Variants in DLG2 observed in about 807,000 individuals in gnomAD.
The protein encoded by DLG2 is disks large homolog 2.
A neutral mutation model predicts 132.5 loss-of-function variants in DLG2; 45 were observed. That is an observed-to-expected ratio of 0.34 (90% CI 0.27 to 0.44). The LOEUF is 0.44. Ranked by LOEUF, DLG2 falls within the 20% of genes least tolerant of loss-of-function variation. The probability of loss-of-function intolerance (pLI) is 1.00; values close to 1 mark genes in which losing one functional copy is unlikely to be tolerated. For synonymous variants in DLG2, 424 were observed against 419.6 expected (o/e 1.01, Z -0.13); for missense variants, 1,045 against 1,196.9 (o/e 0.87, Z 1.87).
Position 83,517,874 on chromosome 11 carries a change from C to T in DLG2, c.2193+14834G>A, listed in dbSNP as rs2140288648. ...AGCAAATGTTGCTGCCTGATCGTTC[C>T]TCTGGCAGTGTTGTCTCAGAGGAGT... On this transcript the variant is annotated intron_variant, in intron 21 of 27. Coordinates refer to ENST00000376104, the MANE Select transcript of DLG2 (RefSeq NM_001142699.3). 1.3e-5 allele frequency among the ~76,000 whole-genome samples: 2 copies of T among 152,302 alleles called. 1 individual carries two copies. Among genetic ancestry groups the T allele is most frequent in the South Asian group, 4.2e-4 (2 of 4,812 alleles).
intron 14 of DLG2, among the ~76,000 whole-genome samples, chr11:83,959,739 T>C (rs1204573411): frequency 6.6e-6 from 1 of 152,040 alleles, no homozygotes; most frequent in African/African-American, 2.4e-5. Context: ...GATGCAGGGA[T>C]GGGGCCTTTG....
At chr11:83,482,381 A>C (rs2093191228) in intron 22 of DLG2, among the ~76,000 whole-genome samples, 2 of 152,160 alleles carry the variant, frequency 1.3e-5, no homozygotes, top group African/African-American at 4.8e-5. Context: ...AAAAGACACA[A>C]AACTCTGTTC....
intron 5 of DLG2, among the ~76,000 whole-genome samples, chr11:85,149,146 CTGTAGGCT>C (rs1016899233): frequency 1.6e-4 from 24 of 152,188 alleles, no homozygotes; most frequent in African/African-American, 5.6e-4. Flanking sequence ...GTTTTGGCTA[CTGTAGGCT>C]TGTAGTATAG....
intron 6 of DLG2, among the ~76,000 whole-genome samples, chr11:84,729,156 T>C (rs117038503): frequency 0.072 from 10,976 of 152,172 alleles, 515 homozygotes; most frequent in Middle Eastern, 0.11. Context: ...TGTTGCTTTT[T>C]AGTTCTTTTA....
intron 18 of DLG2, among the ~76,000 whole-genome samples, chr11:83,731,293 C>A (rs904537774): frequency 1.3e-5 from 2 of 152,156 alleles, no homozygotes; most frequent in Admixed American, 6.5e-5. Context: ...CCCTCTCCCC[C>A]CAGCCCCTGA....
chr11:85,021,561 A>T (rs2060068964), intron 6 of DLG2: 2 of 1,587,286 alleles, frequency 1.3e-6, no homozygotes, highest in Non-Finnish European at 1.7e-6. Context: ...CCTCCACATC[A>T]GATTTCTTGA....
intron 6 of DLG2, among the ~76,000 whole-genome samples, chr11:84,782,717 G>C (rs1358619351): frequency 6.6e-6 from 1 of 152,124 alleles, no homozygotes; most frequent in Admixed American, 6.6e-5. Context: ...GAGTGGGATA[G>C]GGATGGCTCT....
In DLG2 at chr11:84,717,842, C is replaced by T. The variant is rs12292629; in HGVS notation, c.358-183111G>A. On this transcript the variant is annotated intron_variant, in intron 6 of 27. Coordinates refer to ENST00000376104, the MANE Select transcript of DLG2 (RefSeq NM_001142699.3). Reference sequence around the variant, plus strand: ...TAAGTACTGCATGCATCTCATTTAACTGTTATTTCTCACAATGACATAGTA... The same window carrying T: ...TAAGTACTGCATGCATCTCATTTAATTGTTATTTCTCACAATGACATAGTA... Among the ~76,000 whole-genome samples, 258 of 152,148 alleles carry T rather than the reference C, an allele frequency of 1.7e-3. 1 individual carries two copies. Among genetic ancestry groups the T allele is most frequent in the African/African-American group, 5.7e-3 (238 of 41,544 alleles).
chr11:84,621,266 T>TA (rs1357229165), intron 6 of DLG2, among the ~76,000 whole-genome samples: 1 of 152,062 alleles, frequency 6.6e-6, no homozygotes, highest in Non-Finnish European at 1.5e-5. Flanking sequence ...AGTTTCTTTA[T>TA]AAAAAAATTC....
intron 7 of DLG2, among the ~76,000 whole-genome samples, chr11:84,409,286 C>T (rs2098884316): frequency 6.6e-6 from 1 of 152,120 alleles, no homozygotes; most frequent in Non-Finnish European, 1.5e-5. Flanking sequence ...TAGAAGGGCC[C>T]TTTATACCAG....
intron 7 of DLG2, among the ~76,000 whole-genome samples, chr11:84,462,247 C>A (rs1355804743): frequency 1.3e-5 from 2 of 151,064 alleles, no homozygotes; most frequent in Non-Finnish European, 3.0e-5. Flanking sequence ...ACTTTAACCA[C>A]AAATTAAACA....
At chr11:84,952,025 C>T (rs914251138) in intron 6 of DLG2, among the ~76,000 whole-genome samples, 2 of 152,176 alleles carry the variant, frequency 1.3e-5, no homozygotes, top group African/African-American at 4.8e-5. Flanking sequence ...TCCTCACTCA[C>T]AGGTGGTAAC....
rs149617923 is a variant in DLG2, at chr11:83,484,162, C to T, written c.2260G>A (p.Glu754Lys). 2 of 1,613,416 alleles carry T rather than the reference C, an allele frequency of 1.2e-6. No individual in the cohort carries two copies. The highest frequency in any genetic ancestry group is 1.7e-6 in the Non-Finnish European group (2 of 1,179,562). ...TCACTGGTTTCCTGCTCACTCTGCT[C>T]CTTGTTCTTGTAGAATGGGAATTTT... ...SRKFPFYKNK[E>K]QSEQETSDPE... is the part of the protein sequence containing the mutation. Residue 754 changes from glutamate (E) to lysine (K), a missense_variant, in exon 22 of 28, where the codon GAG (glutamate) becomes AAG (lysine). This residue lies in a region of DLG2 where 398 missense variants were observed against 543.6 expected (regional missense o/e 0.73). Transcript: ENST00000376104.
intron 3 of DLG2, among the ~76,000 whole-genome samples, chr11:85,469,185 T>A (rs2092906159): frequency 6.6e-6 from 1 of 152,334 alleles, no homozygotes; most frequent in African/African-American, 2.4e-5. Context: ...ATAGCTCAAA[T>A]ATGACTGCTT....
chr11:83,602,209 T>C (rs542421322), intron 19 of DLG2, among the ~76,000 whole-genome samples: 1 of 152,378 alleles, frequency 6.6e-6, no homozygotes, highest in East Asian at 1.9e-4. Flanking sequence ...CCTAGCATTT[T>C]TCATTGCAGT....
At chr11:84,073,870 A>T (rs1254734845) in intron 10 of DLG2, among the ~76,000 whole-genome samples, 4 of 152,210 alleles carry the variant, frequency 2.6e-5, no homozygotes, top group African/African-American at 7.2e-5. Context: ...CCCAACCTCC[A>T]GGAAGTGTGG....
At chr11:83,750,231 T>A (rs2093214035) in intron 18 of DLG2, among the ~76,000 whole-genome samples, 2 of 151,780 alleles carry the variant, frequency 1.3e-5, no homozygotes, top group African/African-American at 4.8e-5. Context: ...AGAATATGGG[T>A]TTTTCTAGTG....
intron 3 of DLG2, among the ~76,000 whole-genome samples, chr11:85,578,258 T>G (rs2078282544): frequency 6.6e-6 from 1 of 152,116 alleles, no homozygotes; most frequent in African/African-American, 2.4e-5. Context: ...GACTACAAAC[T>G]TAAATGTAAA....
In DLG2 at chr11:84,720,433, G is replaced by T. The variant is rs2061677675; in HGVS notation, c.358-185702C>A. ...CTGCGGCAGTGGCAGCTCGCTGGGG[G>T]ACCCAAACGCTGTGCTCGCCGGGCA... On this transcript the variant is annotated intron_variant, in intron 6 of 27. Transcript: ENST00000376104. 3.0e-6 allele frequency: 3 copies of T among 985,296 alleles called. No individual in the cohort carries two copies. The East Asian group carries it at 3.4e-4, about 112-fold the overall frequency. 61.0% of individuals were successfully genotyped at this position (985,296 alleles called of 1,614,324 possible).
Sources: allele counts gnomAD v4.1 joint callset (sites outside exome capture counted in the v4.1 genomes callset), GRCh38; gene constraint gnomAD v4.1.1; regional missense constraint gnomAD v4.1.1; transcripts MANE v1.5; gene names NCBI Gene and HGNC (gene_info 2026-07-23, HGNC 2026-07-21).